The following CHD6 variants were observed in gnomAD, a reference collection of about 807,000 sequenced individuals.
The protein encoded by CHD6 is ATP-dependent chromatin remodeler CHD6.
In CHD6, 50 loss-of-function variants were observed where a neutral mutation model predicts 276.9. That is an observed-to-expected ratio of 0.18 (90% CI 0.14 to 0.23). The LOEUF (loss-of-function observed/expected upper bound fraction) is 0.23. CHD6 is among the 10% of genes least tolerant of loss of function. The pLI is 1.00. For synonymous variants in CHD6, 1,173 were observed against 1,229.3 expected (o/e 0.95, Z 0.96); for missense variants, 2,564 against 3,365.8 (o/e 0.76, Z 5.89).
At chr20:41,602,054 C>T (rs2045778561) in intron 1 of CHD6, among the ~76,000 whole-genome samples, 1 of 152,236 alleles carries the variant, frequency 6.6e-6, no homozygotes, top group African/African-American at 2.4e-5. Flanking sequence ...TAGTCCCTCT[C>T]CTCTTCCACT....
intron 16 of CHD6, among the ~76,000 whole-genome samples, chr20:41,477,760 G>A (rs989757683): frequency 3.3e-4 from 50 of 152,202 alleles, no homozygotes; most frequent in Admixed American, 3.3e-4. Flanking sequence ...TGCAGAACAC[G>A]TGACGGGATC....
chr20:41,606,204 C>T (rs529910643), intron 1 of CHD6, among the ~76,000 whole-genome samples: 3 of 151,854 alleles, frequency 2.0e-5, no homozygotes, highest in Non-Finnish European at 2.9e-5. Context: ...GGTGAAACCC[C>T]GTCTCTACTA....
chr20:41,408,459 T>A (rs530093200), intron 36 of CHD6, among the ~76,000 whole-genome samples: 1 of 152,322 alleles, frequency 6.6e-6, no homozygotes, highest in Non-Finnish European at 1.5e-5. Flanking sequence ...TAGGACTTGA[T>A]GGGTCGGGGC....
chr20:41,582,008 C>T (rs1027247586), intron 1 of CHD6, among the ~76,000 whole-genome samples: 1 of 152,192 alleles, frequency 6.6e-6, no homozygotes, highest in Admixed American at 6.5e-5. Flanking sequence ...TACTTGAGTG[C>T]ATTTTTAAGA....
At chr20:41,568,098 C>T (rs1033962371) in intron 1 of CHD6, among the ~76,000 whole-genome samples, 1 of 152,168 alleles carries the variant, frequency 6.6e-6, no homozygotes, top group African/African-American at 2.4e-5. Context: ...ATTAAAATAG[C>T]TTGATAAAAC....
intron 24 of CHD6, among the ~76,000 whole-genome samples, chr20:41,447,075 C>G (rs1006965210): frequency 1.1e-4 from 16 of 152,196 alleles, no homozygotes; most frequent in African/African-American, 3.9e-4. Flanking sequence ...GTAACAGTTG[C>G]TGAGGAGCCT....
chr20:41,591,298 C>T (rs894008057), intron 1 of CHD6, among the ~76,000 whole-genome samples: 1 of 151,492 alleles, frequency 6.6e-6, no homozygotes, highest in African/African-American at 2.4e-5. Context: ...CAACATGGCA[C>T]ATGTATACCT....
Position 41,461,107 on chromosome 20 carries a change from T to C in CHD6, c.2665-3679A>G, listed in dbSNP as rs146112761. Among the ~76,000 whole-genome samples the C allele has an allele frequency of 2.6e-4, 40 of 152,304 alleles. No homozygotes were observed. In the East Asian group the frequency reaches 7.5e-3, roughly 29 times the overall value. On this transcript the variant is annotated intron_variant, in intron 17 of 36. Coordinates refer to ENST00000373233, the MANE Select transcript of CHD6 (RefSeq NM_032221.5). The stretch of plus-strand genomic sequence containing the variant: ...CATGGGCCCCCTTTGTTTTGGCCAA[T>C]TTCTCCCATTTGGAATGGCTGTATT...
intron 1 of CHD6, among the ~76,000 whole-genome samples, chr20:41,584,092 A>T (rs147206740): frequency 3.3e-5 from 5 of 152,242 alleles, no homozygotes; most frequent in Non-Finnish European, 5.9e-5. Context: ...ATACCCAGTT[A>T]TATGTTTCTA....
chr20:41,491,898 G>A (rs1237494099), intron 10 of CHD6, 79 bp from the exon 11 acceptor site: 1 of 1,487,774 alleles, frequency 6.7e-7, no homozygotes, highest in Non-Finnish European at 9.3e-7. Flanking sequence ...GAGGACAGTG[G>A]TAAATCTCAC....
chr20:41,437,943 T>A (rs1336832479), intron 26 of CHD6, among the ~76,000 whole-genome samples: 2 of 152,168 alleles, frequency 1.3e-5, no homozygotes, highest in African/African-American at 2.4e-5. Flanking sequence ...AGCATGAGGC[T>A]CCAGCCTCAC....
chr20:41,618,059 C>G (rs2045952912), intron 1 of CHD6, among the ~76,000 whole-genome samples: 1 of 148,488 alleles, frequency 6.7e-6, no homozygotes, highest in African/African-American at 2.4e-5. Context: ...GGACGGCCGC[C>G]CGGCCCGAGC....
intron 1 of CHD6, among the ~76,000 whole-genome samples, chr20:41,607,785 C>G (rs1262678573): frequency 7.0e-6 from 1 of 143,836 alleles, no homozygotes; most frequent in Non-Finnish European, 1.5e-5. Context: ...AAAAAAAACA[C>G]CTCATTAAAA....
At chr20:41,615,349 C>CAAAAAAAAAAA (rs11379388) in intron 1 of CHD6, among the ~76,000 whole-genome samples, 1 of 124,338 alleles carries the variant, frequency 8.0e-6, no homozygotes. Flanking sequence ...CATTCCATTG[C>CAAAAAAAAAAA]AAAAAAAAAA....
At chr20:41,427,354 A>T (rs1299866401) in intron 27 of CHD6, among the ~76,000 whole-genome samples, 1 of 152,164 alleles carries the variant, frequency 6.6e-6, no homozygotes, top group Non-Finnish European at 1.5e-5. Flanking sequence ...TTAACAGCTA[A>T]TATTACGGAG....
intron 1 of CHD6, among the ~76,000 whole-genome samples, chr20:41,579,185 C>CCAG (rs1156392433): frequency 6.7e-6 from 1 of 148,672 alleles, no homozygotes. Context: ...GCCTGTAATC[C>CCAG]CAGCACTTTG....
intron 16 of CHD6, among the ~76,000 whole-genome samples, chr20:41,476,792 TAAAG>T (rs559954772): frequency 8.3e-4 from 102 of 122,268 alleles, no homozygotes; most frequent in African/African-American, 2.5e-3. Flanking sequence ...TCTAAAAAAA[TAAAG>T]AAAGAAAGAA....
intron 8 of CHD6, among the ~76,000 whole-genome samples, chr20:41,496,606 A>G (rs2043692482): frequency 6.6e-6 from 1 of 152,242 alleles, no homozygotes; most frequent in Non-Finnish European, 1.5e-5. Flanking sequence ...TGAATAGGTC[A>G]AGACCAAAGG....
intron 25 of CHD6, among the ~76,000 whole-genome samples, chr20:41,443,699 T>C (rs1600869292): frequency 6.6e-6 from 1 of 152,240 alleles, no homozygotes; most frequent in Non-Finnish European, 1.5e-5. Context: ...TTTCTTTAGC[T>C]CTGCTTTCTT....
Sources: allele counts gnomAD v4.1 joint callset (sites outside exome capture counted in the v4.1 genomes callset), GRCh38; gene constraint gnomAD v4.1.1; transcripts MANE v1.5; gene names NCBI Gene and HGNC (gene_info 2026-07-23, HGNC 2026-07-21).